SNTG1: variants seen among roughly 807,000 people sequenced by gnomAD.
SNTG1 encodes the protein gamma-1-syntrophin.
Under a neutral mutation model 74.7 loss-of-function variants are expected in SNTG1, and 39 were observed. That is an observed-to-expected ratio of 0.52 (90% CI 0.40 to 0.68). The LOEUF is 0.68. SNTG1 is among the 30% of genes least tolerant of loss of function. The pLI is 0.00. For missense variants in SNTG1, 685 were observed against 609.5 expected, an observed-to-expected ratio of 1.12 and a Z score of -1.30; for synonymous variants, 254 against 217.1, an observed-to-expected ratio of 1.17 and a Z score of -1.49.
chr8:50,507,833 C>G lies in SNTG1; in HGVS notation c.466+4953C>G, dbSNP rs551964123. On this transcript the variant is annotated intron_variant, in intron 9 of 18. Transcript: ENST00000642720. ...GTATCTCCTAATGTTATCCCTTCCC[C>G]CTCCCCACACCCCCAAACAAGCCCT... Among the ~76,000 whole-genome samples, 3 of 150,808 alleles carry G rather than the reference C, an allele frequency of 2.0e-5. No homozygotes were observed. In the East Asian group the frequency reaches 5.9e-4, roughly 30 times the overall value.
chr8:50,653,598 A>G (rs1175944414), intron 13 of SNTG1, among the ~76,000 whole-genome samples: 1 of 152,026 alleles, frequency 6.6e-6, no homozygotes, highest in Non-Finnish European at 1.5e-5. Context: ...TTATGAAACA[A>G]ACTGTTTATT....
chr8:50,277,867 A>T (rs2088205315), intron 2 of SNTG1, among the ~76,000 whole-genome samples: 1 of 152,154 alleles, frequency 6.6e-6, no homozygotes, highest in Non-Finnish European at 1.5e-5. Context: ...TATGAAAGGT[A>T]CCTAATCAGG....
intron 1 of SNTG1, among the ~76,000 whole-genome samples, chr8:49,915,874 A>T (rs1805982755): frequency 6.6e-6 from 1 of 152,182 alleles, no homozygotes; most frequent in Non-Finnish European, 1.5e-5. Context: ...TCGAAAGCCT[A>T]GATTTTATTC....
chr8:50,351,507 T>C (rs896843176), intron 2 of SNTG1, among the ~76,000 whole-genome samples: 17 of 152,232 alleles, frequency 1.1e-4, no homozygotes, highest in African/African-American at 3.4e-4. Context: ...ATTTTTGCTT[T>C]TGATCATGTA....
At chr8:50,337,748 C>T (rs1303503247) in intron 2 of SNTG1, among the ~76,000 whole-genome samples, 1 of 152,198 alleles carries the variant, frequency 6.6e-6, no homozygotes, top group Non-Finnish European at 1.5e-5. Flanking sequence ...GGAATACTTC[C>T]TCCTTTCTCA....
intron 2 of SNTG1, among the ~76,000 whole-genome samples, chr8:50,263,176 A>C (rs1352685592): frequency 2.0e-5 from 3 of 152,180 alleles, no homozygotes; most frequent in African/African-American, 7.2e-5. Context: ...GGAGATATTG[A>C]TAAGGGGATA....
intron 13 of SNTG1, among the ~76,000 whole-genome samples, chr8:50,652,616 G>A (rs1014793308): frequency 3.9e-5 from 6 of 152,040 alleles, no homozygotes; most frequent in Non-Finnish European, 8.8e-5. Context: ...GGCCAACATG[G>A]TGAAAACCCG....
intron 13 of SNTG1, among the ~76,000 whole-genome samples, chr8:50,628,349 A>C (rs889110839): frequency 5.3e-5 from 8 of 152,056 alleles, no homozygotes. Flanking sequence ...AGATGTGTTC[A>C]TTTAATTGGT....
chr8:50,215,012 T>C (rs1208872988), intron 2 of SNTG1, among the ~76,000 whole-genome samples: 1 of 152,142 alleles, frequency 6.6e-6, no homozygotes, highest in Non-Finnish European at 1.5e-5. Context: ...TGTTTTCCTC[T>C]TCCAATTCTG....
chr8:50,263,373 T>C (rs1259400854), intron 2 of SNTG1, among the ~76,000 whole-genome samples: 2 of 152,128 alleles, frequency 1.3e-5, no homozygotes, highest in Non-Finnish European at 2.9e-5. Context: ...AACGTAAATC[T>C]AACCATATTA....
intron 17 of SNTG1, among the ~76,000 whole-genome samples, chr8:50,739,580 G>A (rs764958441): frequency 6.6e-6 from 1 of 151,212 alleles, no homozygotes; most frequent in Non-Finnish European, 1.5e-5. Context: ...TGGATGTGGG[G>A]CTGGGGGAGG....
chr8:50,104,213 C>A (rs895798159), intron 1 of SNTG1, among the ~76,000 whole-genome samples: 1 of 152,112 alleles, frequency 6.6e-6, no homozygotes, highest in African/African-American at 2.4e-5. Flanking sequence ...GGTTGGTAAG[C>A]TGTTGATTAT....
intron 15 of SNTG1, among the ~76,000 whole-genome samples, chr8:50,685,923 T>G (rs2095350607): frequency 1.3e-5 from 2 of 152,204 alleles, no homozygotes. Flanking sequence ...TATTCTACCA[T>G]GCAATATCAC....
chr8:50,517,959 A>T (rs1256774295), intron 9 of SNTG1, among the ~76,000 whole-genome samples: 2 of 152,212 alleles, frequency 1.3e-5, no homozygotes, highest in African/African-American at 2.4e-5. Flanking sequence ...AGTGGACTTA[A>T]TAGACATCTA....
chr8:50,492,180 G>A (rs1307447107), intron 8 of SNTG1, among the ~76,000 whole-genome samples: 1 of 152,146 alleles, frequency 6.6e-6, no homozygotes, highest in Non-Finnish European at 1.5e-5. Flanking sequence ...GTTGTAAACA[G>A]TGCCTCAATA....
chr8:50,039,036 C>T (rs973321592), intron 1 of SNTG1, among the ~76,000 whole-genome samples: 1 of 152,172 alleles, frequency 6.6e-6, no homozygotes, highest in Non-Finnish European at 1.5e-5. Flanking sequence ...CATAGCTTCC[C>T]ATTATCCCTG....
intron 2 of SNTG1, among the ~76,000 whole-genome samples, chr8:50,384,455 T>G (rs375154997): frequency 5.3e-5 from 8 of 152,294 alleles, no homozygotes; most frequent in African/African-American, 1.9e-4. Context: ...TAAATGTCTA[T>G]TTCAATAAGC....
intron 15 of SNTG1, among the ~76,000 whole-genome samples, chr8:50,694,043 C>G (rs1168797438): frequency 1.3e-5 from 2 of 151,218 alleles, no homozygotes; most frequent in Admixed American, 1.3e-4. Flanking sequence ...TGTTACACCT[C>G]AAGAAATTAG....
intron 17 of SNTG1, among the ~76,000 whole-genome samples, chr8:50,744,655 A>G (rs1332552839): frequency 6.6e-6 from 1 of 152,012 alleles, no homozygotes; most frequent in Non-Finnish European, 1.5e-5. Flanking sequence ...AAAACTTATT[A>G]CAAAGCTATA....
Sources: gnomAD v4.1 joint callset for allele counts (sites outside exome capture counted in the v4.1 genomes callset) on GRCh38, gnomAD v4.1.1 for gene constraint, MANE v1.5 for transcripts, NCBI Gene and HGNC (gene_info 2026-07-23, HGNC 2026-07-21) for gene names.